LIMS2: variants seen among roughly 807,000 people sequenced by gnomAD.
The protein encoded by LIMS2 is LIM zinc finger domain containing 2.
Under a neutral mutation model 45.3 loss-of-function variants are expected in LIMS2, and 30 were observed. The observed-to-expected ratio is 0.66, with a 90% confidence interval of 0.50 to 0.90. The LOEUF (loss-of-function observed/expected upper bound fraction) is 0.90, where lower values mean the gene tolerates loss of function less well. LIMS2 is among the 40% of genes least tolerant of loss of function. The pLI is 0.00. For synonymous variants in LIMS2, 173 were observed against 188.0 expected, an observed-to-expected ratio of 0.92 and a Z score of 0.65; for missense variants, 485 against 468.7, an observed-to-expected ratio of 1.03 and a Z score of -0.32.
chr2:127,649,148 TGAGA>T (rs1281065924), intron 4 of LIMS2, among the ~76,000 whole-genome samples: 1 of 69,224 alleles, frequency 1.4e-5, no homozygotes, highest in Non-Finnish European at 3.3e-5. Context: ...CAAAGCGAAG[TGAGA>T]GAGAGAGGAA....
At chr2:127,656,415 C>CTTT (rs61254122) in intron 2 of LIMS2, among the ~76,000 whole-genome samples, 2 of 134,572 alleles carry the variant, frequency 1.5e-5, no homozygotes, top group Non-Finnish European at 3.2e-5. Context: ...TTTTTTCTTT[C>CTTT]TTTTTTTTTT....
At chr2:127,641,890 G>A in intron 6 of LIMS2, 159 bp downstream of exon 6, 1 of 829,758 alleles carries the variant, frequency 1.2e-6, no homozygotes, top group East Asian at 3.1e-5. Flanking sequence ...GGGGTCCCTG[G>A]CTGAGCACAG....
intron 1 of LIMS2, among the ~76,000 whole-genome samples, chr2:127,663,804 T>G (rs1333750991): frequency 3.3e-5 from 5 of 151,976 alleles, no homozygotes; most frequent in Non-Finnish European, 7.4e-5. Flanking sequence ...ACCCCAAGAG[T>G]GAGGGGAGGT....
At chr2:127,649,854 C>T (rs1452578367) in intron 4 of LIMS2, 1 of 651,708 alleles carries the variant, frequency 1.5e-6, no homozygotes, top group Non-Finnish European at 2.6e-6. Context: ...CTCAACAGCG[C>T]TGGCCAGTGT....
At chr2:127,651,202 G>A (rs775468465) in intron 4 of LIMS2, 7 of 1,610,408 alleles carry the variant, frequency 4.3e-6, no homozygotes, top group Non-Finnish European at 5.1e-6. Context: ...GCCTTCCTGT[G>A]GGTGGTGGTG....
upstream of LIMS2, among the ~76,000 whole-genome samples, chr2:127,676,807 G>A (rs1263082683): frequency 2.0e-5 from 3 of 152,228 alleles, no homozygotes; most frequent in African/African-American, 4.8e-5. Context: ...ACACAGAGGT[G>A]TAGGCATGCT....
At position 127,642,607 on chromosome 2, in the gene LIMS2, C is replaced by G. The variant is rs1172253454; in HGVS notation, c.509+316G>C. On this transcript the variant is annotated intron_variant, in intron 5 of 9. Coordinates refer to ENST00000355119, the MANE Select transcript of LIMS2 (RefSeq NM_001161403.3). This position sits in a 1 kb window ranked among gnomAD's most constrained non-coding sequence, Gnocchi z 5.3. ...CCAGCACCAAGCCCACTCCCGGTCT[C>G]TTGCCCTGCCCCCTCAGGTCCCTTC... 2.4e-6 allele frequency: 1 copy of G among 411,958 alleles called. No individual in the cohort carries two copies. Among genetic ancestry groups the G allele is most frequent in the Non-Finnish European group, 4.4e-6 (1 of 227,428 alleles). 25.5% of individuals were successfully genotyped at this position (411,958 alleles called of 1,614,324 possible).
At chr2:127,649,165 TAGGAAGGA>T (rs376330379) in intron 4 of LIMS2, among the ~76,000 whole-genome samples, 8,769 of 134,300 alleles carry the variant, frequency 0.065, 370 homozygotes, top group Non-Finnish European at 0.093. Context: ...GAGAGGAAGG[TAGGAAGGA>T]AGGAAGGAAG....
intron 1 of LIMS2, among the ~76,000 whole-genome samples, chr2:127,661,703 C>T (rs1388786904): frequency 6.6e-6 from 1 of 152,226 alleles, no homozygotes; most frequent in African/African-American, 2.4e-5. Flanking sequence ...CCCCAGAAGG[C>T]TCTCAGTTTT....
chr2:127,641,658 A>G (rs1682419804), intron 6 of LIMS2: 3 of 169,336 alleles, frequency 1.8e-5, no homozygotes, highest in Non-Finnish European at 3.8e-5. Context: ...CAGGTGACCC[A>G]GTGCTCACAC....
chr2:127,670,914 C>T (rs974936198), intron 1 of LIMS2, among the ~76,000 whole-genome samples: 2 of 152,260 alleles, frequency 1.3e-5, no homozygotes, highest in African/African-American at 4.8e-5. Flanking sequence ...GGTGAGGACA[C>T]AGTAGGTTTT....
At chr2:127,677,051 T>G (rs908705543), upstream of LIMS2, among the ~76,000 whole-genome samples, 3 of 152,216 alleles carry the variant, frequency 2.0e-5, no homozygotes, top group Non-Finnish European at 4.4e-5. The surrounding 1 kb of genome is among the most constrained non-coding windows in gnomAD (Gnocchi z 5.0). Flanking sequence ...GCCTCATCCC[T>G]GGGCCAGGGC....
chr2:127,651,809 G>A, intron 4 of LIMS2: 1 of 1,530,298 alleles, frequency 6.5e-7, no homozygotes, highest in Non-Finnish European at 8.9e-7. Context: ...AGCAGACCCA[G>A]CAAGAGGCAT....
At chr2:127,659,251 G>A (rs929285683) in intron 1 of LIMS2, among the ~76,000 whole-genome samples, 1 of 152,214 alleles carries the variant, frequency 6.6e-6, no homozygotes, top group Non-Finnish European at 1.5e-5. Flanking sequence ...CTGGGCTTCT[G>A]TCCACCTTGG....
chr2:127,656,415 CTTT>C (rs61254122), intron 2 of LIMS2, among the ~76,000 whole-genome samples: 4 of 134,562 alleles, frequency 3.0e-5, no homozygotes, highest in Non-Finnish European at 3.2e-5. Context: ...TTTTTTCTTT[CTTT>C]TTTTTTTTTT....
In LIMS2 at chr2:127,653,202, T is replaced by C. The variant is rs1166558700; in HGVS notation, c.359+1222A>G. On this transcript the variant is annotated intron_variant, in intron 4 of 9. Transcript: ENST00000355119. The surrounding 1 kb of genome is among the most constrained non-coding windows in gnomAD (Gnocchi z 5.3). ...CAGCACACGGACAAGAGCTCGGTAG[T>C]GTCGGGGAAGCATCTCGGAGGAGCT... Among the ~76,000 whole-genome samples the C allele has an allele frequency of 4.6e-5, 7 of 151,984 alleles. No individual in the cohort carries two copies. Among genetic ancestry groups the C allele is most frequent in the African/African-American group, 9.7e-5 (4 of 41,380 alleles).
intron 1 of LIMS2, among the ~76,000 whole-genome samples, chr2:127,661,113 CTCCT>C (rs902212562): frequency 3.3e-5 from 5 of 152,252 alleles, no homozygotes; most frequent in African/African-American, 1.2e-4. Context: ...CGCTTCCTGA[CTCCT>C]GCAGGGGAGG....
chr2:127,662,681 A>G (rs1165197688), intron 1 of LIMS2, among the ~76,000 whole-genome samples: 1 of 150,880 alleles, frequency 6.6e-6, no homozygotes, highest in Non-Finnish European at 1.5e-5. Flanking sequence ...ATTAGGAGAT[A>G]TACCTAATGC....
intron 1 of LIMS2, among the ~76,000 whole-genome samples, chr2:127,662,509 C>G (rs1684734134): frequency 6.6e-6 from 1 of 151,806 alleles, no homozygotes; most frequent in Non-Finnish European, 1.5e-5. Flanking sequence ...GTACAAAAAG[C>G]CAGCCCACCA....
Sources: gnomAD v4.1 joint callset for allele counts (sites outside exome capture counted in the v4.1 genomes callset) on GRCh38, gnomAD v4.1.1 for gene constraint, Gnocchi (gnomAD v3.1) non-coding constraint, MANE v1.5 for transcripts, NCBI Gene and HGNC (gene_info 2026-07-23, HGNC 2026-07-21) for gene names.